The following LARP4B variants were observed in gnomAD, a reference collection of about 807,000 sequenced individuals.
The protein encoded by LARP4B is La ribonucleoprotein 4B, also known as la-related protein 4B.
LARP4B carries 12 observed loss-of-function variants against 89.8 expected under a neutral mutation model. The ratio of observed to expected loss-of-function variants is 0.13; its 90% CI spans 0.09 to 0.22. The LOEUF is 0.22. Ranked by LOEUF, LARP4B falls within the 10% of genes least tolerant of loss-of-function variation. The probability of loss-of-function intolerance (pLI) is 1.00; values close to 1 mark genes in which losing one functional copy is unlikely to be tolerated. For missense variants in LARP4B, 757 were observed against 947.7 expected (o/e 0.80, Z 2.64); for synonymous variants, 367 against 363.3 (o/e 1.01, Z -0.12).
chr10:960,351 T>C, the LARP4B span, among the ~76,000 whole-genome samples: 1 of 151,988 alleles, frequency 6.6e-6, no homozygotes, highest in Non-Finnish European at 1.5e-5. Flanking sequence ...CCATAGGATG[T>C]ACAACAGCAA....
intron 5 of LARP4B, among the ~76,000 whole-genome samples, chr10:854,377 C>G (rs1834198777): frequency 6.6e-6 from 1 of 152,146 alleles, no homozygotes; most frequent in African/African-American, 2.4e-5. Context: ...GAACCATGAT[C>G]TATACAGCTA....
At chr10:907,685 C>T (rs1245229342) in intron 1 of LARP4B, among the ~76,000 whole-genome samples, 1 of 151,988 alleles carries the variant, frequency 6.6e-6, no homozygotes, top group Non-Finnish European at 1.5e-5. Flanking sequence ...TCTTAAAATC[C>T]CTGGAATCTC....
rs77738662 is a variant in LARP4B at position 816,590 on chromosome 10, C to T, written c.1695+1135G>A. ...TTCTGAAGCAGGGTTGGAGACCTGC[C>T]TCTTCTCCTCCACTCAATACCAACG... On this transcript the variant is annotated intron_variant, in intron 15 of 17. Transcript: ENST00000316157. Among the ~76,000 whole-genome samples the T allele has an allele frequency of 2.6e-5, 4 of 152,316 alleles. No homozygotes were observed. The East Asian group carries it at 7.7e-4, about 29-fold the overall frequency.
In LARP4B at chr10:833,657, C is replaced by T. The variant is rs536885871; in HGVS notation, c.751-2680G>A. Among the ~76,000 whole-genome samples the T allele has an allele frequency of 1.2e-4, 19 of 152,174 alleles. No individual in the cohort carries two copies. The South Asian group carries it at 2.3e-3, about 18-fold the overall frequency. ...CTGTAATCCCAGCACTTTGGGAGGC[C>T]GAGGAGGACGGATCACGAGGTCAAA... On this transcript the variant is annotated intron_variant, in intron 8 of 17. Coordinates refer to ENST00000316157, the MANE Select transcript of LARP4B (RefSeq NM_015155.3).
At chr10:901,293 T>C (rs562142924) in intron 1 of LARP4B, among the ~76,000 whole-genome samples, 1 of 152,348 alleles carries the variant, frequency 6.6e-6, no homozygotes, top group South Asian at 2.1e-4. Context: ...GAAAATAAAA[T>C]ACAATAGGAA....
intron 5 of LARP4B, among the ~76,000 whole-genome samples, chr10:862,071 T>C (rs910949534): frequency 1.3e-5 from 2 of 152,146 alleles, no homozygotes; most frequent in South Asian, 2.1e-4. Context: ...TCAAATTACA[T>C]TGCTGAATAC....
Position 822,504 on chromosome 10 carries a change from CT to C in LARP4B, c.1485-1660del, listed in dbSNP as rs1477892497. Among the ~76,000 whole-genome samples the C allele has an allele frequency of 6.6e-6, 1 of 152,200 alleles. No homozygotes were observed. ...TCACCATCAGTGGGCCCAGCCAACA[CT>C]CCCCCACACCCTCACTGGGCTCCAC... On this transcript the variant is annotated intron_variant, in intron 13 of 17. Transcript: ENST00000316157. This position sits in a 1 kb window ranked among gnomAD's most constrained non-coding sequence, Gnocchi z 4.6.
At chr10:816,858 A>G (rs1483378666) in intron 15 of LARP4B, among the ~76,000 whole-genome samples, 1 of 152,138 alleles carries the variant, frequency 6.6e-6, no homozygotes, top group African/African-American at 2.4e-5. Flanking sequence ...CTAGGAAGTG[A>G]GGAATGGTTC....
chr10:879,254 C>T (rs544811145), intron 3 of LARP4B, among the ~76,000 whole-genome samples: 80 of 152,332 alleles, frequency 5.3e-4, no homozygotes, highest in Non-Finnish European at 1.0e-3. Context: ...GGATCTACTC[C>T]GTCTCAGCAC....
intron 7 of LARP4B, among the ~76,000 whole-genome samples, chr10:840,271 C>T (rs1215423325): frequency 1.3e-5 from 2 of 152,126 alleles, no homozygotes. Context: ...GCAGGGGTGA[C>T]ACCCTCTGCA....
intron 7 of LARP4B, among the ~76,000 whole-genome samples, chr10:837,812 T>C (rs570246085): frequency 6.6e-6 from 1 of 152,196 alleles, no homozygotes; most frequent in Non-Finnish European, 1.5e-5. Context: ...AAAACTATCA[T>C]AACCTTGGAC....
chr10:984,959 C>T, the LARP4B span, among the ~76,000 whole-genome samples: 1 of 152,098 alleles, frequency 6.6e-6, no homozygotes, highest in African/African-American at 2.4e-5. Context: ...CAAACAAATA[C>T]CAAACAAGGT....
Position 825,136 on chromosome 10 carries a change from G to T in LARP4B, c.1413C>A (p.Ala471=). 3 of 1,614,192 alleles carry T rather than the reference G, an allele frequency of 1.9e-6. No homozygotes were observed. The highest frequency in any genetic ancestry group is 2.5e-6 in the Non-Finnish European group (3 of 1,180,048). Residue 471 remains alanine (A), a synonymous_variant, in exon 13 of 18, where the codon GCC becomes GCA. Transcript: ENST00000316157. ...RTRIQNPSAY[A]KREAGPGRVE... ...CACGCCCAGGCCCAGCCTCTCTCTTGGCATATGCTGAAGGGTTTTGAATCC... is the reference window on the plus strand; with the variant it reads ...CACGCCCAGGCCCAGCCTCTCTCTTTGCATATGCTGAAGGGTTTTGAATCC...
intron 5 of LARP4B, among the ~76,000 whole-genome samples, chr10:852,612 C>T (rs1009771709): frequency 6.6e-6 from 1 of 152,128 alleles, no homozygotes; most frequent in African/African-American, 2.4e-5. Context: ...CACCTTTGTA[C>T]TGGAGGGCCT....
At chr10:852,553 G>A (rs1431173061) in intron 5 of LARP4B, among the ~76,000 whole-genome samples, 1 of 152,178 alleles carries the variant, frequency 6.6e-6, no homozygotes, top group South Asian at 2.1e-4. Context: ...AGTGCCTCTT[G>A]TAAGACCAGA....
At position 842,901 on chromosome 10, in the gene LARP4B, G is replaced by A. The variant is rs781154262; in HGVS notation, c.646+31C>T. 24 of 1,599,028 alleles carry A rather than the reference G, an allele frequency of 1.5e-5. No individual in the cohort carries two copies. In the South Asian group the frequency reaches 1.5e-4, roughly 10 times the overall value. ...GATAAGACAAATACTCTAAGGACAA[G>A]TATTATTAATTTAAATTGTCATTTA... On this transcript the variant is annotated intron_variant, in intron 7 of 17. Coordinates refer to ENST00000316157, the MANE Select transcript of LARP4B (RefSeq NM_015155.3).
intron 1 of LARP4B, among the ~76,000 whole-genome samples, chr10:892,603 G>C (rs1438528584): frequency 6.6e-6 from 1 of 150,566 alleles, no homozygotes; most frequent in Non-Finnish European, 1.5e-5. Context: ...GCAGTGGCGC[G>C]ATCTCAGCTC....
At chr10:834,641 C>T (rs1833097758) in intron 8 of LARP4B, among the ~76,000 whole-genome samples, 2 of 152,132 alleles carry the variant, frequency 1.3e-5, no homozygotes, top group South Asian at 2.1e-4. Context: ...TTCCTTTAAA[C>T]CTTCTCTCTT....
At chr10:928,229 GA>G (rs59234664) in intron 1 of LARP4B, among the ~76,000 whole-genome samples, 3,022 of 100,072 alleles carry the variant, frequency 0.03, 92 homozygotes, top group African/African-American at 0.1. Flanking sequence ...CCTCAGGAAA[GA>G]AAAAAAAAAA....
Sources: allele counts gnomAD v4.1 joint callset (sites outside exome capture counted in the v4.1 genomes callset), GRCh38; gene constraint gnomAD v4.1.1; non-coding constraint Gnocchi (gnomAD v3.1); transcripts MANE v1.5; gene names NCBI Gene and HGNC (gene_info 2026-07-23, HGNC 2026-07-21).